The following KCND3 variants were observed in gnomAD, a reference collection of about 807,000 sequenced individuals.
KCND3 encodes the protein A-type voltage-gated potassium channel KCND3.
A neutral mutation model predicts 51.1 loss-of-function variants in KCND3; 9 were observed. That is an observed-to-expected ratio of 0.18 (90% CI 0.11 to 0.31). The LOEUF is 0.31. Among genes scored for constraint, KCND3 ranks in the 10% least tolerant of loss-of-function variants. The pLI, the probability that KCND3 is intolerant of heterozygous loss-of-function variation, is 1.00. For missense variants in KCND3, 526 were observed against 903.8 expected, an observed-to-expected ratio of 0.58 and a Z score of 5.36; for synonymous variants, 349 against 368.0, an observed-to-expected ratio of 0.95 and a Z score of 0.59.
chr1:111,979,216 A>C (rs957600451), intron 2 of KCND3, among the ~76,000 whole-genome samples: 3 of 152,178 alleles, frequency 2.0e-5, no homozygotes, highest in Non-Finnish European at 4.4e-5. Context: ...AGCAGAATCT[A>C]TCAGTTCCCT....
chr1:111,909,582 C>T (rs757932475), intron 2 of KCND3: 4 of 152,180 alleles, frequency 2.6e-5, no homozygotes, highest in South Asian at 2.1e-4. Flanking sequence ...TAGTTCTTTT[C>T]GGTGCCGAGA....
chr1:111,835,435 CA>C (rs1193943025), intron 2 of KCND3, among the ~76,000 whole-genome samples: 1 of 152,096 alleles, frequency 6.6e-6, no homozygotes, highest in Non-Finnish European at 1.5e-5. Context: ...ACTGCATTCC[CA>C]GGGGGTTAGG....
intron 2 of KCND3, among the ~76,000 whole-genome samples, chr1:111,816,199 T>A (rs74794078): frequency 2.0e-4 from 30 of 152,352 alleles, no homozygotes; most frequent in African/African-American, 7.2e-4. Flanking sequence ...CCCTACCACA[T>A]GGCCTCTTGG....
chr1:111,967,553 A>C (rs533178537), intron 2 of KCND3, among the ~76,000 whole-genome samples: 1 of 152,338 alleles, frequency 6.6e-6, no homozygotes, highest in East Asian at 1.9e-4. Context: ...GTCTGCAGGC[A>C]GGGCCTCCCA....
chr1:111,942,327 GC>G (rs1672562915), intron 2 of KCND3, among the ~76,000 whole-genome samples: 2 of 152,198 alleles, frequency 1.3e-5, no homozygotes, highest in African/African-American at 4.8e-5. Flanking sequence ...TGGCGGGGGA[GC>G]AAGACAGATG....
intron 2 of KCND3, among the ~76,000 whole-genome samples, chr1:111,789,630 A>G (rs959282969): frequency 2.6e-5 from 4 of 152,266 alleles, no homozygotes; most frequent in African/African-American, 7.2e-5. Context: ...CCACAGACCA[A>G]TAGGCTTGGT....
intron 2 of KCND3, among the ~76,000 whole-genome samples, chr1:111,792,415 C>T (rs115754439): frequency 6.1e-4 from 93 of 152,306 alleles, no homozygotes; most frequent in African/African-American, 2.2e-3. Context: ...ATATCCTGCT[C>T]CTCCCAGGGT....
chr1:111,872,848 G>C (rs900704994), intron 2 of KCND3, among the ~76,000 whole-genome samples: 1 of 152,190 alleles, frequency 6.6e-6, no homozygotes, highest in African/African-American at 2.4e-5. Flanking sequence ...AAAGGCAGAT[G>C]TCTCCGTGGC....
intron 2 of KCND3, among the ~76,000 whole-genome samples, chr1:111,963,261 G>A (rs1239407752): frequency 6.6e-6 from 1 of 152,222 alleles, no homozygotes; most frequent in African/African-American, 2.4e-5. Context: ...AAAGCTAACT[G>A]ATTCAGAGCC....
At chr1:111,938,507 T>C (rs1672326227) in intron 2 of KCND3, among the ~76,000 whole-genome samples, 1 of 152,132 alleles carries the variant, frequency 6.6e-6, no homozygotes, top group African/African-American at 2.4e-5. Flanking sequence ...CTATGTCAGA[T>C]GGTGATAACT....
chr1:111,890,050 T>C (rs1156257103), intron 2 of KCND3, among the ~76,000 whole-genome samples: 1 of 152,076 alleles, frequency 6.6e-6, no homozygotes, highest in South Asian at 2.1e-4. Context: ...AGAGTGGCCA[T>C]GGAAACCAGA....
chr1:111,826,352 T>C (rs1176560609), intron 2 of KCND3, among the ~76,000 whole-genome samples: 1 of 152,234 alleles, frequency 6.6e-6, no homozygotes, highest in Admixed American at 6.5e-5. Flanking sequence ...GTGAATTTCT[T>C]GTTCTAATTT....
At chr1:111,933,533 G>C (rs1276298418) in intron 2 of KCND3, among the ~76,000 whole-genome samples, 1 of 152,018 alleles carries the variant, frequency 6.6e-6, no homozygotes, top group Non-Finnish European at 1.5e-5. Context: ...AATTATTGCA[G>C]CATCTCTTAA....
chr1:111,982,858 A>T lies in KCND3; in HGVS notation c.-72-60T>A. The stretch of plus-strand genomic sequence containing the variant: ...GTCCATATCGACTGGCAGGTAAGAA[A>T]TGGGACACAGGAAAGGATCACTGGT... On this transcript the variant is annotated intron_variant, in intron 1 of 7. Coordinates refer to ENST00000302127, the MANE Select transcript of KCND3 (RefSeq NM_001378969.1). The surrounding 1 kb of genome is among the most constrained non-coding windows in gnomAD (Gnocchi z 8.5). The T allele has an allele frequency of 7.8e-7, 1 of 1,278,608 alleles. No homozygotes were observed. Among genetic ancestry groups the T allele is most frequent in the Non-Finnish European group, 1.1e-6 (1 of 917,234 alleles). The allele number at this position is 1,278,608 out of a possible 1,614,324, so 79.2% of individuals were successfully genotyped here.
intron 1 of KCND3, among the ~76,000 whole-genome samples, chr1:111,984,859 C>T (rs1315829988): frequency 1.3e-5 from 2 of 152,182 alleles, no homozygotes; most frequent in African/African-American, 4.8e-5. Flanking sequence ...ATCACTCTCT[C>T]TGTGATGCTT....
intron 2 of KCND3, among the ~76,000 whole-genome samples, chr1:111,862,695 C>T (rs895025455): frequency 3.3e-5 from 5 of 152,222 alleles, no homozygotes; most frequent in African/African-American, 4.8e-5. Flanking sequence ...CTTAACCTCC[C>T]TTACCTCAGT....
At chr1:111,874,355 T>G (rs1668957032) in intron 2 of KCND3, among the ~76,000 whole-genome samples, 1 of 152,180 alleles carries the variant, frequency 6.6e-6, no homozygotes, top group South Asian at 2.1e-4. Context: ...ACGCTGTTCT[T>G]TCAAAATAGA....
chr1:111,923,149 G>A (rs1194898432), intron 2 of KCND3, among the ~76,000 whole-genome samples: 1 of 152,234 alleles, frequency 6.6e-6, no homozygotes, highest in Non-Finnish European at 1.5e-5. Context: ...GCCTCTTACA[G>A]CTTGGGGCAC....
intron 2 of KCND3, among the ~76,000 whole-genome samples, chr1:111,862,886 T>G (rs1407682396): frequency 6.6e-6 from 1 of 152,180 alleles, no homozygotes; most frequent in Non-Finnish European, 1.5e-5. Flanking sequence ...TGGTTGATCT[T>G]GGGTGATGTA....
Sources: allele counts gnomAD v4.1 joint callset (sites outside exome capture counted in the v4.1 genomes callset), GRCh38; gene constraint gnomAD v4.1.1; non-coding constraint Gnocchi (gnomAD v3.1); transcripts MANE v1.5; gene names NCBI Gene and HGNC (gene_info 2026-07-23, HGNC 2026-07-21).